The following FAM178B variants were observed in gnomAD, a reference collection of about 807,000 sequenced individuals.
FAM178B encodes family with sequence similarity 178 member B.
FAM178B carries 82 observed loss-of-function variants against 91.7 expected under a neutral mutation model. That is an observed-to-expected ratio of 0.89 (90% CI 0.75 to 1.07). The LOEUF (loss-of-function observed/expected upper bound fraction) is 1.07, where lower values mean the gene tolerates loss of function less well. Ranked by LOEUF, FAM178B falls within the 50% of genes least tolerant of loss-of-function variation. FAM178B has a pLI of 0.00. For synonymous variants in FAM178B, 368 were observed against 359.4 expected (o/e 1.02, Z -0.27); for missense variants, 769 against 846.7 (o/e 0.91, Z 1.14).
chr2:96,888,365 C>G (rs1466039956), intron 14 of FAM178B, among the ~76,000 whole-genome samples: 1 of 152,244 alleles, frequency 6.6e-6, no homozygotes, highest in Non-Finnish European at 1.5e-5. Context: ...AAGGAAGAGA[C>G]AGACACTTCC....
At chr2:96,948,047 T>C (rs963405421) in intron 7 of FAM178B, 145 bp from the exon 8 acceptor site, 7 of 597,798 alleles carry the variant, frequency 1.2e-5, no homozygotes, top group African/African-American at 1.1e-4. Flanking sequence ...ATTGTCATTG[T>C]TGCCAATTAG....
rs2082225707 is a variant in FAM178B, at chr2:96,972,006, C to A, written c.459G>T (p.Glu153Asp). Reference sequence around the variant, plus strand: ...CCAAGTCCAGGTGTTCCTGCTCCAACTCCTCGGGCAGCTCACCAGCCAGTC... The same window carrying A: ...CCAAGTCCAGGTGTTCCTGCTCCAAATCCTCGGGCAGCTCACCAGCCAGTC... ...LRRLAGELPE[E>D]LEQEHLDLDP... Residue 153 changes from glutamate (E) to aspartate (D), a missense_variant, in exon 3 of 17, where the codon GAG becomes GAT. Coordinates refer to ENST00000490605, the MANE Select transcript of FAM178B (RefSeq NM_001122646.3). The A allele has an allele frequency of 1.9e-6, 3 of 1,556,318 alleles. No homozygotes were observed. Among genetic ancestry groups the A allele is most frequent in the Admixed American group, 3.9e-5 (2 of 51,290 alleles).
At chr2:96,893,618 C>A (rs1174505495) in intron 14 of FAM178B, among the ~76,000 whole-genome samples, 1 of 152,000 alleles carries the variant, frequency 6.6e-6, no homozygotes, top group African/African-American at 2.4e-5. Flanking sequence ...CTCCCTAAAC[C>A]ATGCTGTAAG....
chr2:96,936,303 A>G (rs185907807), intron 8 of FAM178B, among the ~76,000 whole-genome samples: 139 of 151,732 alleles, frequency 9.2e-4, no homozygotes, highest in East Asian at 1.8e-3. Flanking sequence ...CCGGGTTCAC[A>G]CCATTCTCCT....
intron 13 of FAM178B, chr2:96,898,132 T>C (rs2080857906): frequency 2.0e-6 from 2 of 985,374 alleles, no homozygotes; most frequent in Non-Finnish European, 1.2e-6. Context: ...TAAACCCCTG[T>C]GCCCCCTTTT....
At chr2:96,949,429 A>G (rs560330408) in intron 7 of FAM178B, among the ~76,000 whole-genome samples, 5 of 152,272 alleles carry the variant, frequency 3.3e-5, no homozygotes, top group African/African-American at 1.2e-4. Context: ...AGATTTGGGA[A>G]AAGGGTCTGG....
intron 12 of FAM178B, among the ~76,000 whole-genome samples, chr2:96,910,928 C>T (rs1473176929): frequency 3.3e-5 from 5 of 151,870 alleles, no homozygotes; most frequent in African/African-American, 7.3e-5. Flanking sequence ...CCACAATGCC[C>T]GGCTAATTTT....
intron 3 of FAM178B, among the ~76,000 whole-genome samples, chr2:96,971,202 C>T (rs1264355687): frequency 1.3e-5 from 2 of 149,026 alleles, no homozygotes; most frequent in Non-Finnish European, 3.0e-5. Flanking sequence ...CCTATCTGCT[C>T]CCTTTCCCAC....
At chr2:96,956,702 T>C (rs1406588339) in intron 6 of FAM178B, 1 of 152,216 alleles carries the variant, frequency 6.6e-6, no homozygotes. Context: ...AAAACCTAGC[T>C]GTCAGCTCCC....
At chr2:96,939,064 A>C (rs539236649) in intron 8 of FAM178B, 1 of 152,290 alleles carries the variant, frequency 6.6e-6, no homozygotes, top group Non-Finnish European at 1.5e-5. Flanking sequence ...TTAGACGGGC[A>C]TGGTGGCACG....
chr2:96,928,207 C>T (rs184740711), intron 9 of FAM178B, among the ~76,000 whole-genome samples: 7 of 152,208 alleles, frequency 4.6e-5, no homozygotes, highest in Middle Eastern at 3.4e-3. Context: ...GGATTGTCAG[C>T]GGGAAGCATG....
chr2:96,913,242 C>A (rs1045624289), intron 12 of FAM178B, among the ~76,000 whole-genome samples: 3 of 152,152 alleles, frequency 2.0e-5, no homozygotes, highest in African/African-American at 7.2e-5. Context: ...GCAGAGGCTT[C>A]AGCAGCAGGA....
At chr2:96,940,451 A>G (rs933467103) in intron 8 of FAM178B, among the ~76,000 whole-genome samples, 2 of 152,216 alleles carry the variant, frequency 1.3e-5, no homozygotes, top group African/African-American at 4.8e-5. Context: ...ACATCTCCTA[A>G]TAAGATGGTG....
At chr2:96,970,011 AAAC>A (rs1420714145) in intron 4 of FAM178B, among the ~76,000 whole-genome samples, 1 of 152,194 alleles carries the variant, frequency 6.6e-6, no homozygotes. Context: ...CACTGAACAA[AAAC>A]AACACAACAC....
intron 8 of FAM178B, among the ~76,000 whole-genome samples, chr2:96,931,414 A>G (rs766178176): frequency 2.2e-4 from 33 of 152,250 alleles, no homozygotes; most frequent in Non-Finnish European, 3.8e-4. Context: ...TAAAAGGTAC[A>G]GAGCCTTCTC....
At chr2:96,960,246 G>A in intron 6 of FAM178B, 42 bp downstream of exon 6, 1 of 1,548,452 alleles carries the variant, frequency 6.5e-7, no homozygotes, top group Non-Finnish European at 8.7e-7. Context: ...AGGGGTCCTG[G>A]ACAGGCTGCG....
intron 13 of FAM178B, among the ~76,000 whole-genome samples, 151 bp from the exon 14 acceptor site, chr2:96,894,202 G>A (rs1239422485): frequency 1.3e-5 from 2 of 151,944 alleles, no homozygotes; most frequent in Middle Eastern, 3.4e-3. Context: ...TATGAACTGT[G>A]GCCTCTCGGA....
chr2:96,910,889 T>C (rs2153370034), intron 12 of FAM178B, among the ~76,000 whole-genome samples: 1 of 150,774 alleles, frequency 6.6e-6, no homozygotes, highest in Non-Finnish European at 1.5e-5. Context: ...AACCTCAGCC[T>C]CCTGAGTAGC....
At chr2:96,921,736 C>A in intron 10 of FAM178B, 82 bp from the exon 11 acceptor site, 1 of 1,397,552 alleles carries the variant, frequency 7.2e-7, no homozygotes, top group Non-Finnish European at 9.9e-7. Context: ...CTGGGAGACA[C>A]TTAGGCAGAA....
Sources: gnomAD v4.1 joint callset for allele counts (sites outside exome capture counted in the v4.1 genomes callset) on GRCh38, gnomAD v4.1.1 for gene constraint, MANE v1.5 for transcripts, NCBI Gene and HGNC (gene_info 2026-07-23, HGNC 2026-07-21) for gene names.